ZNF106: variants seen among roughly 807,000 people sequenced by gnomAD.
ZNF106 encodes zinc finger protein 106.
ZNF106 carries 67 observed loss-of-function variants against 195.1 expected under a neutral mutation model. The observed-to-expected ratio is 0.34, with a 90% CI of 0.28 to 0.42. ZNF106 has a LOEUF of 0.42. Among genes scored for constraint, ZNF106 ranks in the 10% least tolerant of loss-of-function variants. The pLI, the probability that ZNF106 is intolerant of heterozygous loss-of-function variation, is 1.00. For missense variants in ZNF106, 2,118 were observed against 2,304.5 expected (o/e 0.92, Z 1.66); for synonymous variants, 784 against 818.6 (o/e 0.96, Z 0.72).
At chr15:42,490,712 T>C (rs1436389721) in intron 1 of ZNF106, among the ~76,000 whole-genome samples, 2 of 152,054 alleles carry the variant, frequency 1.3e-5, no homozygotes, top group African/African-American at 4.8e-5. Context: ...CCCCTAAAGG[T>C]CAAGGCTTTG....
At position 42,424,922 on chromosome 15, in the gene ZNF106, T is replaced by C; in HGVS notation, c.5102A>G (p.Tyr1701Cys). 6.2e-7 allele frequency: 1 copy of C among 1,614,196 alleles called. No individual in the cohort carries two copies. Among genetic ancestry groups the C allele is most frequent in the Non-Finnish European group, 8.5e-7 (1 of 1,180,042 alleles). ...GARKLLVVGS[Y>C]DCTISVRDAR... is the part of the protein sequence containing the mutation. The stretch of plus-strand genomic sequence containing the variant: ...ATCGCGTACACTAATTGTGCAGTCA[T>C]AAGACCCCACGACCAGCAGTTTTCG... The change falls in exon 16 of 22, where the codon TAT becomes TGT. Residue 1701 changes from tyrosine (Y) to cysteine (C), a missense_variant. Coordinates refer to ENST00000564754, the MANE Select transcript of ZNF106 (RefSeq NM_001366845.3).
intron 3 of ZNF106, chr15:42,457,456 T>C: frequency 1.6e-6 from 2 of 1,264,910 alleles, no homozygotes; most frequent in Non-Finnish European, 2.0e-6. Flanking sequence ...GGAAACATGG[T>C]GAAAGGGGAG....
In ZNF106 at chr15:42,435,545, T is replaced by C. The variant is rs778563758; in HGVS notation, c.4747-27A>G. 5.0e-6 allele frequency: 8 copies of C among 1,613,828 alleles called. No homozygotes were observed. The East Asian group carries it at 1.3e-4, about 27-fold the overall frequency. ...TAAAGTTTAAGCACAGACCAGATTA[T>C]TACTTATGAGATATAGGAGGATTAG... On this transcript the variant is annotated intron_variant, in intron 13 of 21. Transcript: ENST00000564754.
chr15:42,442,071 A>G lies in ZNF106; in HGVS notation c.3763+2T>C. On this transcript the variant is annotated splice_donor_variant, in intron 10 of 21. Coordinates refer to ENST00000564754, the MANE Select transcript of ZNF106 (RefSeq NM_001366845.3). LOFTEE classifies it high-confidence loss of function. ...CCTTAACCCAGAGAAAAGCTTACAT[A>G]CTATTAGCTTCCAGTAATTCCTTGG... 2 of 1,603,114 alleles carry G rather than the reference A, an allele frequency of 1.2e-6. No homozygotes were observed. The highest frequency in any genetic ancestry group is 1.7e-6 in the Non-Finnish European group (2 of 1,173,782).
At chr15:42,479,765 C>T (rs1396923702) in intron 1 of ZNF106, among the ~76,000 whole-genome samples, 2 of 152,094 alleles carry the variant, frequency 1.3e-5, no homozygotes, top group Non-Finnish European at 2.9e-5. Context: ...TCGCTTGAAC[C>T]CGGGGAGTAG....
intron 1 of ZNF106, among the ~76,000 whole-genome samples, chr15:42,473,114 T>C (rs1168757973): frequency 3.3e-5 from 5 of 152,154 alleles, no homozygotes; most frequent in Non-Finnish European, 5.9e-5. Context: ...CGGAAACTTT[T>C]TGGGTGTCAA....
At chr15:42,429,316 G>A (rs1359709443) in intron 14 of ZNF106, among the ~76,000 whole-genome samples, 1 of 151,532 alleles carries the variant, frequency 6.6e-6, no homozygotes, top group African/African-American at 2.4e-5. Context: ...GTGCGTGCTT[G>A]TAGTCCCAGC....
Position 42,428,239 on chromosome 15 carries a change from AAAGT to A in ZNF106, c.4882-109_4882-106del, listed in dbSNP as rs1480094797. 4.9e-6 allele frequency: 4 copies of A among 812,548 alleles called. No individual in the cohort carries two copies. In the African/African-American group the frequency reaches 5.1e-5, roughly 10 times the overall value. The allele number at this position is 812,548 out of a possible 1,614,324, so 50.3% of individuals were successfully genotyped here. A position where few individuals can be genotyped will look rare whatever the true frequency, so the allele number is the denominator to read the frequency against. On this transcript the variant is annotated intron_variant, in intron 14 of 21. Transcript: ENST00000564754. ...CTTTAAAATGACTCTTATGCGGAAG[AAAGT>A]GTGACATCCTCTATTTTGTAGGGGA...
Position 42,438,661 on chromosome 15 carries a change from T to C in ZNF106, c.4551A>G (p.Ala1517=). ...TGGAGGAGATCACAGTCTGAGTTTC[T>C]GCCACACTACAAAATAATAGCAAAA... is the stretch of plus-strand genomic sequence containing the variant. The part of the protein sequence containing the change: ...RYKDGIPVSV[A]ETQTVISSIK... Residue 1517 remains alanine (A), a synonymous_variant, in exon 12 of 22, where the codon GCA becomes GCG. Transcript: ENST00000564754. 3 of 1,613,766 alleles carry C rather than the reference T, an allele frequency of 1.9e-6. No homozygotes were observed. The highest frequency in any genetic ancestry group is 2.5e-6 in the Non-Finnish European group (3 of 1,179,764).
chr15:42,427,106 T>C (rs1438306334), intron 15 of ZNF106, among the ~76,000 whole-genome samples: 1 of 152,208 alleles, frequency 6.6e-6, no homozygotes, highest in Non-Finnish European at 1.5e-5. Flanking sequence ...CACAACTAAT[T>C]AGCAATCAAA....
In ZNF106 at chr15:42,457,582, T is replaced by C. The variant is rs2056271885; in HGVS notation, c.117-424A>G. 6 of 996,342 alleles carry C rather than the reference T, an allele frequency of 6.0e-6. No homozygotes were observed. The East Asian group carries it at 3.0e-4, about 50-fold the overall frequency. The allele number at this position is 996,342 out of a possible 1,614,324, so 61.7% of individuals were successfully genotyped here. A position where few individuals can be genotyped will look rare whatever the true frequency, so the allele number is the denominator to read the frequency against. ...ATTTAATCTTTAGTCTAGAGCTTTCTTCCAGTGAAAGTTAAGGGGTGGAAA... is the reference window on the plus strand; with the variant it reads ...ATTTAATCTTTAGTCTAGAGCTTTCCTCCAGTGAAAGTTAAGGGGTGGAAA... On this transcript the variant is annotated intron_variant, in intron 3 of 21. Coordinates refer to ENST00000564754, the MANE Select transcript of ZNF106 (RefSeq NM_001366845.3).
At chr15:42,456,245 G>C (rs898185229) in intron 4 of ZNF106, among the ~76,000 whole-genome samples, 8 of 152,186 alleles carry the variant, frequency 5.3e-5, no homozygotes, top group African/African-American at 1.9e-4. Context: ...CTGTTATTTT[G>C]GCGATACGAC....
chr15:42,443,716 C>CAAGA (rs1169736958), intron 9 of ZNF106, among the ~76,000 whole-genome samples: 2 of 151,392 alleles, frequency 1.3e-5, no homozygotes, highest in Admixed American at 1.3e-4. Context: ...AGTGACAGAG[C>CAAGA]AAGACCCTGT....
intron 4 of ZNF106, among the ~76,000 whole-genome samples, chr15:42,456,655 TAAA>T (rs139288961): frequency 7.5e-6 from 1 of 133,216 alleles, no homozygotes. Flanking sequence ...GACTCCATCT[TAAA>T]AAAAAAAAAA....
chr15:42,429,212 G>C (rs1412769144), intron 14 of ZNF106, among the ~76,000 whole-genome samples: 1 of 151,376 alleles, frequency 6.6e-6, no homozygotes, highest in East Asian at 2.0e-4. Context: ...AAGCCGAGGC[G>C]GGTGAATCAC....
chr15:42,461,233 A>C (rs2056385692), intron 3 of ZNF106, among the ~76,000 whole-genome samples: 1 of 152,282 alleles, frequency 6.6e-6, no homozygotes, highest in African/African-American at 2.4e-5. Context: ...ATAGCAAGTT[A>C]ATATTTTAAT....
intron 3 of ZNF106, among the ~76,000 whole-genome samples, chr15:42,459,504 T>A (rs1361899483): frequency 6.6e-6 from 1 of 151,982 alleles, no homozygotes; most frequent in Non-Finnish European, 1.5e-5. Flanking sequence ...GAAAAAAGAA[T>A]AATCCTCAAC....
chr15:42,448,201 A>T lies in ZNF106; in HGVS notation c.3006T>A (p.Cys1002Ter). ...GGGCTGAGGATGCGCTTGATGACAG[A>T]CAGTTTCCCTCTCCATTACTCTCCT... ...NSQESNGEGN[C>*]LSSSASSALA... Residue 1002 changes from cysteine to a stop codon, truncating the protein, a stop_gained, in exon 6 of 22, where the codon TGT becomes TGA. Coordinates refer to ENST00000564754, the MANE Select transcript of ZNF106 (RefSeq NM_001366845.3). LOFTEE classifies it high-confidence loss of function. 6.2e-7 allele frequency: 1 copy of T among 1,614,126 alleles called. No individual in the cohort carries two copies. Among genetic ancestry groups the T allele is most frequent in the Non-Finnish European group, 8.5e-7 (1 of 1,180,008 alleles).
chr15:42,420,837 G>T (rs768447887), intron 20 of ZNF106, among the ~76,000 whole-genome samples: 1 of 152,062 alleles, frequency 6.6e-6, no homozygotes. Flanking sequence ...AAGCACTTCC[G>T]CTTTTTATTT....
Sources: allele counts gnomAD v4.1 joint callset (sites outside exome capture counted in the v4.1 genomes callset), GRCh38; gene constraint gnomAD v4.1.1; transcripts MANE v1.5; gene names NCBI Gene and HGNC (gene_info 2026-07-23, HGNC 2026-07-21).